The following EYA2 variants were observed in gnomAD, a reference collection of about 807,000 sequenced individuals.
The protein encoded by EYA2 is EYA transcriptional coactivator and phosphatase 2.
A neutral mutation model predicts 69.2 loss-of-function variants in EYA2; 31 were observed. That is an observed-to-expected ratio of 0.45 (90% CI 0.34 to 0.60). EYA2 has a LOEUF of 0.60. Ranked by LOEUF, EYA2 falls within the 20% of genes least tolerant of loss-of-function variation. EYA2 has a pLI of 0.02. For synonymous variants in EYA2, 257 were observed against 279.4 expected (o/e 0.92, Z 0.80); for missense variants, 622 against 701.2 (o/e 0.89, Z 1.28).
rs184483588 is a variant in EYA2, at chr20:47,145,410, C to T, written c.978+2262C>T. Among the ~76,000 whole-genome samples, 484 of 152,054 alleles carry T rather than the reference C, an allele frequency of 3.2e-3. 2 individuals are homozygous for T. Among genetic ancestry groups the T allele is most frequent in the Non-Finnish European group, 5.2e-3 (353 of 67,996 alleles). On this transcript the variant is annotated intron_variant, in intron 10 of 15. Transcript: ENST00000327619. ...GGGATCAGAGAGAAGGCATGGAGGC[C>T]GAAGTGCAGGAGTAAAAGTATGGAG... is the stretch of plus-strand genomic sequence containing the variant.
chr20:47,111,732 CAG>C (rs2032751353), intron 9 of EYA2, among the ~76,000 whole-genome samples: 1 of 152,168 alleles, frequency 6.6e-6, no homozygotes, highest in African/African-American at 2.4e-5. Flanking sequence ...CAGATTTAAA[CAG>C]AGCAGTAACC....
chr20:47,129,065 A>T (rs756637125), intron 9 of EYA2, among the ~76,000 whole-genome samples: 1 of 152,170 alleles, frequency 6.6e-6, no homozygotes, highest in African/African-American at 2.4e-5. Context: ...CGGAGGTTGC[A>T]GTGAGCCAAG....
At chr20:47,031,834 G>A (rs1288010678) in intron 5 of EYA2, among the ~76,000 whole-genome samples, 3 of 152,032 alleles carry the variant, frequency 2.0e-5, no homozygotes, top group African/African-American at 7.3e-5. Context: ...TGGGGGAAGG[G>A]GAGTGGAATG....
chr20:46,950,107 G>A (rs1251251234), intron 1 of EYA2, among the ~76,000 whole-genome samples: 1 of 152,188 alleles, frequency 6.6e-6, no homozygotes, highest in Non-Finnish European at 1.5e-5. Flanking sequence ...GTAATCAAAA[G>A]AGCCATCAAT....
chr20:46,923,458 GA>G (rs1279500202), intron 1 of EYA2, among the ~76,000 whole-genome samples: 1 of 152,224 alleles, frequency 6.6e-6, no homozygotes, highest in Non-Finnish European at 1.5e-5. Context: ...ATTCTAGATA[GA>G]GGGGGAGATG....
intron 5 of EYA2, among the ~76,000 whole-genome samples, chr20:47,044,420 G>A (rs2029923823): frequency 1.3e-5 from 2 of 152,136 alleles, no homozygotes; most frequent in South Asian, 4.1e-4. Context: ...CTCACAGTGA[G>A]AAAGACAGAC....
chr20:47,172,355 G>C (rs949976674), intron 11 of EYA2, among the ~76,000 whole-genome samples: 2 of 151,692 alleles, frequency 1.3e-5, no homozygotes, highest in Non-Finnish European at 2.9e-5. Context: ...TGAGGTAAAA[G>C]GATCCCTTGA....
In EYA2 at chr20:47,122,434, C is replaced by T. The variant is rs148754649; in HGVS notation, c.889-20625C>T. Among the ~76,000 whole-genome samples the T allele has an allele frequency of 3.3e-5, 5 of 151,816 alleles. No homozygotes were observed. In the East Asian group the frequency reaches 9.7e-4, roughly 29 times the overall value. On this transcript the variant is annotated intron_variant, in intron 9 of 15. Coordinates refer to ENST00000327619, the MANE Select transcript of EYA2 (RefSeq NM_005244.5). ...TCAGCCTCCCAAGTAGCTGGGTCTACAGGCACCCGCCACCGCACCCGGCTA... is the reference window on the plus strand; with the variant it reads ...TCAGCCTCCCAAGTAGCTGGGTCTATAGGCACCCGCCACCGCACCCGGCTA...
At chr20:47,140,603 A>C (rs544100224) in intron 9 of EYA2, among the ~76,000 whole-genome samples, 2 of 152,222 alleles carry the variant, frequency 1.3e-5, no homozygotes, top group East Asian at 3.9e-4. Context: ...GAGTCCTCAG[A>C]AGCAGTGTTG....
At chr20:47,161,122 A>T (rs1406261824) in intron 10 of EYA2, 8 of 321,368 alleles carry the variant, frequency 2.5e-5, no homozygotes, top group Non-Finnish European at 4.7e-5. Context: ...AGATGATGCC[A>T]GTGCCCCTGG....
intron 5 of EYA2, among the ~76,000 whole-genome samples, chr20:47,059,094 G>A (rs571022182): frequency 3.3e-5 from 5 of 152,254 alleles, no homozygotes; most frequent in South Asian, 4.1e-4. Flanking sequence ...ATAACAGGAG[G>A]GGTCTTGGGT....
chr20:47,144,533 A>T (rs1278662321), intron 10 of EYA2, among the ~76,000 whole-genome samples: 2 of 152,208 alleles, frequency 1.3e-5, no homozygotes, highest in Non-Finnish European at 2.9e-5. Flanking sequence ...AGCCCAAGGC[A>T]CTACTAATAT....
At chr20:47,009,045 A>C (rs772822648) in intron 4 of EYA2, among the ~76,000 whole-genome samples, 10 of 152,208 alleles carry the variant, frequency 6.6e-5, no homozygotes, top group Non-Finnish European at 1.5e-4. Flanking sequence ...ATAAAACTTT[A>C]TTTACACAAA....
chr20:46,988,589 A>G (rs1220658601), intron 1 of EYA2, among the ~76,000 whole-genome samples: 1 of 152,226 alleles, frequency 6.6e-6, no homozygotes, highest in African/African-American at 2.4e-5. Flanking sequence ...TCTGAAGACA[A>G]CTGCAGGTTA....
chr20:46,985,180 G>C (rs1789642031), intron 1 of EYA2, among the ~76,000 whole-genome samples: 1 of 152,210 alleles, frequency 6.6e-6, no homozygotes, highest in Admixed American at 6.5e-5. Flanking sequence ...AGAAGGTGAT[G>C]GCTCAAATAA....
intron 1 of EYA2, among the ~76,000 whole-genome samples, chr20:46,962,206 T>C (rs1455764491): frequency 6.6e-6 from 1 of 152,166 alleles, no homozygotes; most frequent in African/African-American, 2.4e-5. Context: ...TTTTTTATTT[T>C]TGTAGAGATG....
At chr20:47,156,006 G>A (rs969440583) in intron 10 of EYA2, among the ~76,000 whole-genome samples, 32 of 142,982 alleles carry the variant, frequency 2.2e-4, no homozygotes, top group Admixed American at 1.5e-3. Flanking sequence ...GCGAAATCCC[G>A]TCTCTACTTA....
chr20:46,973,776 C>T (rs1186063908), intron 1 of EYA2, among the ~76,000 whole-genome samples: 3 of 150,234 alleles, frequency 2.0e-5, no homozygotes, highest in East Asian at 3.9e-4. Flanking sequence ...ACTATGAAGC[C>T]GTCTGACCAA....
intron 1 of EYA2, among the ~76,000 whole-genome samples, chr20:46,919,135 G>C (rs542967132): frequency 6.6e-6 from 1 of 152,236 alleles, no homozygotes; most frequent in Non-Finnish European, 1.5e-5. Flanking sequence ...ATAGAGCACA[G>C]GCAGAGTAGA....
Sources: gnomAD v4.1 joint callset for allele counts (sites outside exome capture counted in the v4.1 genomes callset) on GRCh38, gnomAD v4.1.1 for gene constraint, MANE v1.5 for transcripts, NCBI Gene and HGNC (gene_info 2026-07-23, HGNC 2026-07-21) for gene names.